The following ELMO1 variants were observed in gnomAD, a reference collection of about 807,000 sequenced individuals.
ELMO1 encodes engulfment and cell motility 1, also known as engulfment and cell motility protein 1.
A neutral mutation model predicts 98.9 loss-of-function variants in ELMO1; 26 were observed. That is an observed-to-expected ratio of 0.26 (90% CI 0.19 to 0.36). ELMO1 has a LOEUF of 0.36. Ranked by LOEUF, ELMO1 falls within the 10% of genes least tolerant of loss-of-function variation. The pLI, the probability that ELMO1 is intolerant of heterozygous loss-of-function variation, is 1.00. For missense variants in ELMO1, 627 were observed against 935.2 expected, an observed-to-expected ratio of 0.67 and a Z score of 4.30; for synonymous variants, 346 against 346.0, an observed-to-expected ratio of 1.00 and a Z score of 0.00.
At chr7:37,159,429 G>T (rs569894767) in intron 13 of ELMO1, among the ~76,000 whole-genome samples, 118 of 152,310 alleles carry the variant, frequency 7.7e-4, no homozygotes, top group Non-Finnish European at 1.1e-3. Flanking sequence ...GGCTGGGCAC[G>T]GTGGCTCATG....
At chr7:36,972,986 G>A (rs1426997898) in intron 16 of ELMO1, among the ~76,000 whole-genome samples, 1 of 152,126 alleles carries the variant, frequency 6.6e-6, no homozygotes, top group African/African-American at 2.4e-5. Flanking sequence ...TTGCCATGTT[G>A]ACCAGGCTGG....
At chr7:37,360,073 A>G (rs1263289241) in intron 1 of ELMO1, among the ~76,000 whole-genome samples, 2 of 152,198 alleles carry the variant, frequency 1.3e-5, no homozygotes, top group African/African-American at 2.4e-5. Context: ...GGATCTTTTC[A>G]TGACCTCTAA....
At chr7:37,155,499 A>ATAAAT (rs1554427429) in intron 13 of ELMO1, among the ~76,000 whole-genome samples, 16 of 131,862 alleles carry the variant, frequency 1.2e-4, no homozygotes, top group South Asian at 2.4e-4. Flanking sequence ...AAAAAAAAAA[A>ATAAAT]AAAAAAAAAG....
At chr7:37,005,451 G>A (rs1793012192) in intron 16 of ELMO1, among the ~76,000 whole-genome samples, 1 of 152,024 alleles carries the variant, frequency 6.6e-6, no homozygotes, top group South Asian at 2.1e-4. Context: ...CAGCACTTCG[G>A]GAGGCCAAGG....
intron 14 of ELMO1, chr7:37,117,026 T>G (rs1274715600): frequency 9.5e-6 from 2 of 210,292 alleles, no homozygotes; most frequent in African/African-American, 4.6e-5. Flanking sequence ...AAAGGAGAGA[T>G]AATTATGTTC....
chr7:36,942,244 A>C (rs1787107400), intron 16 of ELMO1, among the ~76,000 whole-genome samples: 1 of 152,158 alleles, frequency 6.6e-6, no homozygotes, highest in Admixed American at 6.5e-5. Context: ...GGCCACTGGG[A>C]GGCACCCAAC....
Position 36,927,341 on chromosome 7 carries a change from G to T in ELMO1, c.1438-32324C>A, listed in dbSNP as rs187156265. ...TACTGGAGATTTAGAAACAACTAGC[G>T]AAATCAAGATTGTTTCTTTAACCTA... is the stretch of plus-strand genomic sequence containing the variant. On this transcript the variant is annotated intron_variant, in intron 16 of 21. Coordinates refer to ENST00000310758, the MANE Select transcript of ELMO1 (RefSeq NM_014800.11). Among the ~76,000 whole-genome samples the T allele has an allele frequency of 2.6e-5, 4 of 152,302 alleles. No homozygotes were observed. In the East Asian group the frequency reaches 7.7e-4, roughly 29 times the overall value.
chr7:37,026,326 C>A (rs1794577470), intron 15 of ELMO1, among the ~76,000 whole-genome samples: 1 of 152,058 alleles, frequency 6.6e-6, no homozygotes, highest in Non-Finnish European at 1.5e-5. Context: ...TAACCTGGGG[C>A]TCAGAGCATT....
At chr7:37,170,898 G>A (rs1790108057) in intron 13 of ELMO1, among the ~76,000 whole-genome samples, 1 of 152,082 alleles carries the variant, frequency 6.6e-6, no homozygotes, top group South Asian at 2.1e-4. Context: ...TGGGCACCAT[G>A]CCTGGCTGAA....
chr7:37,374,800 C>A (rs940021169), intron 1 of ELMO1, among the ~76,000 whole-genome samples: 15 of 151,006 alleles, frequency 9.9e-5, no homozygotes, highest in Admixed American at 2.6e-4. Flanking sequence ...CAGTGGCTCA[C>A]GCCTGTAATC....
At chr7:37,386,878 C>T (rs571316686) in intron 1 of ELMO1, among the ~76,000 whole-genome samples, 3 of 152,324 alleles carry the variant, frequency 2.0e-5, no homozygotes, top group African/African-American at 7.2e-5. Flanking sequence ...CTTGCATGCA[C>T]ATTGTAATTG....
At chr7:37,317,024 T>C (rs1799209911) in intron 2 of ELMO1, among the ~76,000 whole-genome samples, 1 of 152,166 alleles carries the variant, frequency 6.6e-6, no homozygotes, top group African/African-American at 2.4e-5. Context: ...CAATAGGTTC[T>C]ACCTACCCCT....
At chr7:37,334,351 C>A (rs1024008242) in intron 2 of ELMO1, among the ~76,000 whole-genome samples, 2 of 152,168 alleles carry the variant, frequency 1.3e-5, no homozygotes, top group Non-Finnish European at 2.9e-5. Flanking sequence ...GAAGCTGAGG[C>A]AGGAGAATCG....
At chr7:37,143,142 T>C (rs978843107) in intron 13 of ELMO1, among the ~76,000 whole-genome samples, 2 of 152,214 alleles carry the variant, frequency 1.3e-5, no homozygotes, top group Admixed American at 6.5e-5. Context: ...GTCTTGCATA[T>C]GGAGCTCTTA....
intron 2 of ELMO1, among the ~76,000 whole-genome samples, chr7:37,340,589 G>A (rs1235132466): frequency 1.3e-5 from 2 of 152,120 alleles, no homozygotes; most frequent in African/African-American, 4.8e-5. Flanking sequence ...TTAATGTGAT[G>A]TACCAATGTC....
intron 14 of ELMO1, among the ~76,000 whole-genome samples, chr7:37,102,719 AG>A (rs1321452974): frequency 6.6e-6 from 1 of 152,230 alleles, no homozygotes; most frequent in Non-Finnish European, 1.5e-5. Context: ...GTACAGATGA[AG>A]AAACAGAGAC....
At chr7:37,163,217 A>G (rs1441326053) in intron 13 of ELMO1, among the ~76,000 whole-genome samples, 1 of 152,198 alleles carries the variant, frequency 6.6e-6, no homozygotes, top group African/African-American at 2.4e-5. Flanking sequence ...TTCTTACAGT[A>G]AAACAAATGT....
At chr7:36,922,880 A>G (rs117645160) in intron 16 of ELMO1, among the ~76,000 whole-genome samples, 7,546 of 152,294 alleles carry the variant, frequency 0.05, 287 homozygotes, top group South Asian at 0.14. Flanking sequence ...AAGTGTTCAG[A>G]GTCTCCCAAT....
rs137986079 is a variant in ELMO1 at position 36,889,155 on chromosome 7, A to G, written c.1602-1483T>C. ...ATCTAACAGGGTATTCTAGTACTCC[A>G]TTAATACATTTTTTGAGGCTTAAGT... On this transcript the variant is annotated intron_variant, in intron 17 of 21. Coordinates refer to ENST00000310758, the MANE Select transcript of ELMO1 (RefSeq NM_014800.11). Among the ~76,000 whole-genome samples the G allele has an allele frequency of 3.2e-4, 48 of 152,330 alleles. No homozygotes were observed. The East Asian group carries it at 9.2e-3, about 29-fold the overall frequency.
Sources: allele counts gnomAD v4.1 joint callset (sites outside exome capture counted in the v4.1 genomes callset), GRCh38; gene constraint gnomAD v4.1.1; transcripts MANE v1.5; gene names NCBI Gene and HGNC (gene_info 2026-07-23, HGNC 2026-07-21).